Variants in SMAD9 observed in about 807,000 individuals in gnomAD.
The protein encoded by SMAD9 is MAD homolog 9.
Under a neutral mutation model 46.1 loss-of-function variants are expected in SMAD9, and 36 were observed. The observed-to-expected ratio is 0.78, with a 90% CI of 0.60 to 1.03. SMAD9 has a LOEUF of 1.03. SMAD9 is among the 50% of genes least tolerant of loss of function. The pLI is 0.00. For synonymous variants in SMAD9, 245 were observed against 237.1 expected (o/e 1.03, Z -0.31); for missense variants, 572 against 599.8 (o/e 0.95, Z 0.48).
In SMAD9 at chr13:36,879,405, C is replaced by T; in HGVS notation, c.285G>A (p.Val95=). The T allele has an allele frequency of 3.1e-6, 5 of 1,614,072 alleles. No individual in the cohort carries two copies. The highest frequency in any genetic ancestry group is 4.2e-6 in the Non-Finnish European group (5 of 1,180,042). ...GGGACTGCAGATCCGGCCAGCGCCA[C>T]ACGCGACAGTAAATCACATGGGGCA... is the stretch of plus-strand genomic sequence containing the variant. ...KGLPHVIYCR[V]WRWPDLQSHH... The change falls in exon 2 of 7, where the codon GTG becomes GTA. Residue 95 remains valine, a synonymous_variant. Coordinates refer to ENST00000379826, the MANE Select transcript of SMAD9 (RefSeq NM_001127217.3).
intron 6 of SMAD9, chr13:36,849,334 G>A (rs2138256458): frequency 6.5e-6 from 1 of 152,740 alleles, no homozygotes; most frequent in South Asian, 2.1e-4. Flanking sequence ...ACCATTCAAA[G>A]GAGAGACAGT....
chr13:36,904,608 G>C (rs952683882), intron 1 of SMAD9, among the ~76,000 whole-genome samples: 2 of 152,052 alleles, frequency 1.3e-5, no homozygotes, highest in Admixed American at 6.6e-5. Context: ...CACTCCAAGG[G>C]GCAACACTGC....
chr13:36,915,224 T>C (rs2058689701), intron 1 of SMAD9, among the ~76,000 whole-genome samples: 1 of 152,142 alleles, frequency 6.6e-6, no homozygotes, highest in African/African-American at 2.4e-5. Context: ...ACCAACACGT[T>C]TGAATGGCCG....
At chr13:36,910,183 C>G (rs1422325150) in intron 1 of SMAD9, among the ~76,000 whole-genome samples, 1 of 148,900 alleles carries the variant, frequency 6.7e-6, no homozygotes, top group African/African-American at 2.5e-5. Flanking sequence ...GGGGACACAG[C>G]GAGACTCCGT....
chr13:36,879,090 T>C (rs1038688545), intron 2 of SMAD9, among the ~76,000 whole-genome samples, 188 bp downstream of exon 2: 2 of 152,178 alleles, frequency 1.3e-5, no homozygotes, highest in African/African-American at 2.4e-5. Context: ...CTTTCTTTGA[T>C]TGGACAGCTG....
chr13:36,879,934 AAGT>A, intron 1 of SMAD9, 59 bp from the exon 2 acceptor site: 1 of 545,148 alleles, frequency 1.8e-6, no homozygotes, highest in Non-Finnish European at 3.3e-6. Flanking sequence ...GAAAAAGTTG[AAGT>A]TGGATAGAAA....
intron 6 of SMAD9, chr13:36,851,722 A>T (rs1036938325): frequency 5.1e-6 from 5 of 975,758 alleles, no homozygotes; most frequent in South Asian, 4.7e-5. Context: ...TGCTCATCTC[A>T]AATGTTAAAA....
intron 1 of SMAD9, among the ~76,000 whole-genome samples, chr13:36,904,294 C>T (rs985686921): frequency 2.6e-5 from 4 of 152,116 alleles, no homozygotes; most frequent in Non-Finnish European, 4.4e-5. Context: ...GTTAGATATG[C>T]GACTCTTGAT....
At chr13:36,901,853 T>C (rs1224437510) in intron 1 of SMAD9, among the ~76,000 whole-genome samples, 1 of 152,254 alleles carries the variant, frequency 6.6e-6, no homozygotes, top group Non-Finnish European at 1.5e-5. Flanking sequence ...TTGGGTTGTG[T>C]GTATTTTTGT....
At position 36,847,027 on chromosome 13, in the gene SMAD9, C is replaced by CT. The variant is rs1035667860; in HGVS notation, c.*1648dup. On this transcript the variant is annotated 3_prime_UTR_variant, in exon 7 of 7. Transcript: ENST00000379826. Reference sequence around the variant, plus strand: ...AATAAACTACAGATTTTTCTATACACTACATGGGCCATATATTACATTTTT... The same window carrying CT: ...AATAAACTACAGATTTTTCTATACACTTACATGGGCCATATATTACATTTTT... 6 of 152,214 alleles carry CT rather than the reference C, an allele frequency of 3.9e-5. No individual in the cohort carries two copies. Among genetic ancestry groups the CT allele is most frequent in the African/African-American group, 1.4e-4 (6 of 41,538 alleles). The allele number at this position is 152,214 out of a possible 1,614,324, so 9.4% of individuals were successfully genotyped here.
At chr13:36,867,969 G>A (rs1053577071) in intron 3 of SMAD9, among the ~76,000 whole-genome samples, 1 of 152,190 alleles carries the variant, frequency 6.6e-6, no homozygotes, top group Non-Finnish European at 1.5e-5. Flanking sequence ...TCATAACACA[G>A]TAAAAACTCA....
intron 1 of SMAD9, among the ~76,000 whole-genome samples, chr13:36,910,552 C>G (rs1264672692): frequency 6.6e-6 from 1 of 152,156 alleles, no homozygotes; most frequent in Non-Finnish European, 1.5e-5. Flanking sequence ...ACATCAATTT[C>G]AAATAAGGCT....
At chr13:36,894,613 G>T (rs181101398) in intron 1 of SMAD9, among the ~76,000 whole-genome samples, 126 of 152,226 alleles carry the variant, frequency 8.3e-4, no homozygotes, top group Non-Finnish European at 1.7e-3. Flanking sequence ...TCCTGGCTCC[G>T]TATCTTCATT....
intron 3 of SMAD9, among the ~76,000 whole-genome samples, chr13:36,868,416 G>T (rs894830778): frequency 1.3e-5 from 2 of 152,170 alleles, no homozygotes; most frequent in African/African-American, 4.8e-5. Flanking sequence ...CCTTTTTGTA[G>T]GTCTTTGACT....
chr13:36,883,900 T>C (rs1479094372), intron 1 of SMAD9, among the ~76,000 whole-genome samples: 1 of 152,224 alleles, frequency 6.6e-6, no homozygotes, highest in Non-Finnish European at 1.5e-5. Flanking sequence ...AGGCACGTCA[T>C]GCTGTCTCTC....
At position 36,879,481 on chromosome 13, in the gene SMAD9, G is replaced by GT. The variant is rs765992824; in HGVS notation, c.208dup (p.Thr70AsnfsTer45). On this transcript the variant is annotated frameshift_variant, in exon 2 of 7. Transcript: ENST00000379826. LOFTEE classifies it high-confidence loss of function. ...CCGCCCGTCCAGGGAGCGGGGAATC[G>GT]TGACGCATTTGCTGGGCTGCCCCGG... 1 of 1,613,900 alleles carries GT rather than the reference G, an allele frequency of 6.2e-7. No homozygotes were observed. Among genetic ancestry groups the GT allele is most frequent in the South Asian group, 1.1e-5 (1 of 91,088 alleles).
chr13:36,879,722 A>AACCGC lies in SMAD9; in HGVS notation c.-38_-34dup. ...CACAGCAGGCTCCGGCGCGCACGGG[A>AACCGC]ACCGCACAGCCCTTCACGGCAAAGT... On this transcript the variant is annotated 5_prime_UTR_variant, in exon 2 of 7. Transcript: ENST00000379826. 6.2e-7 allele frequency: 1 copy of AACCGC among 1,611,958 alleles called. No homozygotes were observed. Among genetic ancestry groups the AACCGC allele is most frequent in the Non-Finnish European group, 8.5e-7 (1 of 1,179,936 alleles).
chr13:36,910,025 A>G (rs552492011), intron 1 of SMAD9, among the ~76,000 whole-genome samples: 89 of 151,660 alleles, frequency 5.9e-4, no homozygotes, highest in Non-Finnish European at 1.0e-3. Flanking sequence ...GTGAAACCCC[A>G]TCTCTACTAA....
chr13:36,861,910 C>T (rs146742056), intron 5 of SMAD9, among the ~76,000 whole-genome samples: 2,523 of 148,882 alleles, frequency 0.017, 68 homozygotes, highest in African/African-American at 0.06. Context: ...GCCTGGGTGA[C>T]AGAGCAAGAC....
Sources: allele counts gnomAD v4.1 joint callset (sites outside exome capture counted in the v4.1 genomes callset), GRCh38; gene constraint gnomAD v4.1.1; transcripts MANE v1.5; gene names NCBI Gene and HGNC (gene_info 2026-07-23, HGNC 2026-07-21).